The following STRADA variants were observed in gnomAD, a reference collection of about 807,000 sequenced individuals.
STRADA encodes STE20-related kinase adapter protein alpha.
A neutral mutation model predicts 55.0 loss-of-function variants in STRADA; 26 were observed. The ratio of observed to expected loss-of-function variants is 0.47; its 90% CI spans 0.35 to 0.66. The LOEUF is 0.66. Ranked by LOEUF, STRADA falls within the 30% of genes least tolerant of loss-of-function variation. The probability of loss-of-function intolerance (pLI) is 0.01; values close to 1 mark genes in which losing one functional copy is unlikely to be tolerated. For missense variants in STRADA, 443 were observed against 549.7 expected, an observed-to-expected ratio of 0.81 and a Z score of 1.94; for synonymous variants, 197 against 210.9, an observed-to-expected ratio of 0.93 and a Z score of 0.57.
chr17:63,739,377 A>T (rs1007530470), intron 1 of STRADA, among the ~76,000 whole-genome samples: 1 of 152,080 alleles, frequency 6.6e-6, no homozygotes, highest in Non-Finnish European at 1.5e-5. Context: ...TTTCAGATTG[A>T]ATCATGTACA....
chr17:63,733,786 G>A (rs905985932), intron 1 of STRADA, among the ~76,000 whole-genome samples: 1 of 152,166 alleles, frequency 6.6e-6, no homozygotes, highest in Non-Finnish European at 1.5e-5. Context: ...GCCAGGCACA[G>A]GCTGCCTACA....
At chr17:63,736,630 G>GA (rs1329003141) in intron 1 of STRADA, among the ~76,000 whole-genome samples, 32 of 144,770 alleles carry the variant, frequency 2.2e-4, no homozygotes, top group African/African-American at 5.8e-4. Context: ...TCTGCCCCAA[G>GA]AAAAAAAAAA....
At chr17:63,705,494 T>G in intron 10 of STRADA, 1 of 159,100 alleles carries the variant, frequency 6.3e-6, no homozygotes, top group Non-Finnish European at 1.4e-5. Flanking sequence ...TCACATAGAC[T>G]TCCATACCCA....
intron 1 of STRADA, among the ~76,000 whole-genome samples, chr17:63,740,145 TATACACAC>T (rs201241479): frequency 0.047 from 2,023 of 42,708 alleles, 272 homozygotes; most frequent in South Asian, 0.25. Context: ...CATATATATA[TATACACAC>T]ACACACACAC....
intron 1 of STRADA, among the ~76,000 whole-genome samples, chr17:63,737,639 T>C (rs1265405073): frequency 6.6e-6 from 1 of 152,148 alleles, no homozygotes; most frequent in Non-Finnish European, 1.5e-5. Flanking sequence ...GGATAACAAA[T>C]AGAAAGTTAT....
At chr17:63,732,589 A>G (rs1242477244) in intron 1 of STRADA, among the ~76,000 whole-genome samples, 1 of 152,152 alleles carries the variant, frequency 6.6e-6, no homozygotes, top group Non-Finnish European at 1.5e-5. Flanking sequence ...GGAGCTCAGG[A>G]GTTCAAGACC....
chr17:63,720,449 G>C (rs1291164735), intron 4 of STRADA, among the ~76,000 whole-genome samples: 1 of 151,934 alleles, frequency 6.6e-6, no homozygotes, highest in African/African-American at 2.4e-5. Flanking sequence ...TGGGTTTACA[G>C]GTGTGAGCCA....
chr17:63,733,884 G>C (rs569762726), intron 1 of STRADA, among the ~76,000 whole-genome samples: 6 of 152,294 alleles, frequency 3.9e-5, no homozygotes, highest in African/African-American at 1.2e-4. Context: ...TTTGAGTCCT[G>C]TGTCACTCTA....
At chr17:63,741,620 G>A (rs2038956615) in intron 1 of STRADA, 121 bp downstream of exon 1, 1 of 153,000 alleles carries the variant, frequency 6.5e-6, no homozygotes, top group South Asian at 2.1e-4. Flanking sequence ...GGCCCGTGGA[G>A]GGTGAGGTGA....
chr17:63,714,050 C>G lies in STRADA; in HGVS notation c.182G>C (p.Ser61Thr). The change falls in exon 5 of 13, where the codon AGC becomes ACC. Residue 61 changes from serine to threonine, a missense_variant. Transcript: ENST00000336174. The part of the protein sequence containing the change: ...ASFSKQEVMS[S>T]FLPEGGCYEL... ...GTAACACCCTCCCTCTGGCAGAAAG[C>G]TACTCATGACCTCCTGTTTAGAGAA... 6.2e-7 allele frequency: 1 copy of G among 1,613,958 alleles called. No individual in the cohort carries two copies. The highest frequency in any genetic ancestry group is 1.6e-4 in the Middle Eastern group (1 of 6,062).
intron 8 of STRADA, among the ~76,000 whole-genome samples, chr17:63,710,200 G>A (rs779320180): frequency 7.9e-5 from 12 of 151,926 alleles, no homozygotes; most frequent in Middle Eastern, 3.4e-3. Context: ...CACCACACCC[G>A]GCTAATTTTT....
At chr17:63,724,086 C>T (rs2037485178) in intron 3 of STRADA, 1 of 152,104 alleles carries the variant, frequency 6.6e-6, no homozygotes, top group South Asian at 2.1e-4. Flanking sequence ...CCTTAAACTA[C>T]AAAATCAGAA....
At chr17:63,740,086 CTATA>C (rs771962134) in intron 1 of STRADA, among the ~76,000 whole-genome samples, 511 of 41,520 alleles carry the variant, frequency 0.012, 74 homozygotes, top group African/African-American at 0.092. Flanking sequence ...ACATTTAACA[CTATA>C]TATATATATA....
chr17:63,740,153 C>G (rs1247444569), intron 1 of STRADA, among the ~76,000 whole-genome samples: 1 of 86,290 alleles, frequency 1.2e-5, no homozygotes, highest in African/African-American at 4.4e-5. Flanking sequence ...TATATACACA[C>G]ACACACACAC....
At chr17:63,729,810 CA>C (rs111583450) in intron 1 of STRADA, among the ~76,000 whole-genome samples, 103,638 of 147,474 alleles carry the variant, frequency 0.7, 37,621 homozygotes, top group African/African-American at 0.92. Flanking sequence ...AAAAAAACAA[CA>C]AAAAAAAAAC....
At chr17:63,705,088 G>A (rs754840081) in intron 10 of STRADA, 4 of 657,498 alleles carry the variant, frequency 6.1e-6, no homozygotes, top group Non-Finnish European at 1.1e-5. Flanking sequence ...CTGTTCCAAA[G>A]TACCCCAACT....
Position 63,707,286 on chromosome 17 carries a change from G to A in STRADA, c.714C>T (p.Val238=). ...CGGGGCTGAGCCACGGCAGAACCTT[G>A]ACACTGTACTTGGGAAAATCGTGGA... ...RVVHDFPKYS[V]KVLPWLSPEV... Residue 238 remains valine, a synonymous_variant, in exon 9 of 13, where the codon GTC becomes GTT. Coordinates refer to ENST00000336174, the MANE Select transcript of STRADA (RefSeq NM_001003787.4). 1 of 1,614,206 alleles carries A rather than the reference G, an allele frequency of 6.2e-7. No homozygotes were observed. Among genetic ancestry groups the A allele is most frequent in the Non-Finnish European group, 8.5e-7 (1 of 1,180,034 alleles).
Position 63,706,645 on chromosome 17 carries a change from G to C in STRADA, c.848C>G (p.Pro283Arg). 6.2e-7 allele frequency: 1 copy of C among 1,612,946 alleles called. No individual in the cohort carries two copies. The highest frequency in any genetic ancestry group is 8.5e-7 in the Non-Finnish European group (1 of 1,179,222). ...GGGCGGCAGGCTTACCTGGGTGGCA[G>C]GCATATCCTTAAAGGGGACATGGCC... ...ANGHVPFKDM[P>R]ATQMLLEKLN... The change falls in exon 10 of 13, where the codon CCT (proline) becomes CGT (arginine). Residue 283 changes from proline to arginine, a missense_variant. Physicochemically the swap from Pro to Arg is moderately radical, Grantham distance 103. Coordinates refer to ENST00000336174, the MANE Select transcript of STRADA (RefSeq NM_001003787.4).
At chr17:63,721,925 A>AAAAC (rs926717358) in intron 4 of STRADA, among the ~76,000 whole-genome samples, 6 of 152,290 alleles carry the variant, frequency 3.9e-5, no homozygotes, top group South Asian at 2.1e-4. Context: ...TTCATTTAGG[A>AAAAC]AAACAAACAA....
Sources: gnomAD v4.1 joint callset for allele counts (sites outside exome capture counted in the v4.1 genomes callset) on GRCh38, gnomAD v4.1.1 for gene constraint, MANE v1.5 for transcripts, NCBI Gene and HGNC (gene_info 2026-07-23, HGNC 2026-07-21) for gene names.